RSRC1: variants seen among roughly 807,000 people sequenced by gnomAD.
RSRC1 encodes serine/Arginine-related protein 53.
RSRC1 carries 39 observed loss-of-function variants against 49.1 expected under a neutral mutation model. The ratio of observed to expected loss-of-function variants is 0.79; its 90% CI spans 0.61 to 1.04. RSRC1 has a LOEUF of 1.04. RSRC1 is among the 50% of genes least tolerant of loss of function. RSRC1 has a pLI of 0.00. For synonymous variants in RSRC1, 143 were observed against 130.8 expected, an observed-to-expected ratio of 1.09 and a Z score of -0.63; for missense variants, 388 against 402.4, an observed-to-expected ratio of 0.96 and a Z score of 0.31.
chr3:158,461,609 T>C (rs1737616159), intron 7 of RSRC1, among the ~76,000 whole-genome samples: 1 of 151,878 alleles, frequency 6.6e-6, no homozygotes, highest in African/African-American at 2.4e-5. Context: ...CTTTTTTTCT[T>C]CACGGGGGAT....
At chr3:158,339,993 G>A (rs1730139336) in intron 5 of RSRC1, among the ~76,000 whole-genome samples, 1 of 152,140 alleles carries the variant, frequency 6.6e-6, no homozygotes, top group African/African-American at 2.4e-5. Flanking sequence ...TCATTAGTTA[G>A]GAACAGGAAG....
intron 3 of RSRC1, among the ~76,000 whole-genome samples, chr3:158,144,722 A>C (rs997757932): frequency 6.6e-5 from 10 of 152,256 alleles, no homozygotes; most frequent in African/African-American, 1.9e-4. Context: ...TGACTTCCAC[A>C]ATGGTTGAAC....
intron 6 of RSRC1, among the ~76,000 whole-genome samples, chr3:158,371,588 A>G (rs2108267147): frequency 6.6e-6 from 1 of 152,052 alleles, no homozygotes; most frequent in Middle Eastern, 3.4e-3. Context: ...ATTGCTGAGT[A>G]GTATTCCATT....
chr3:158,111,309 A>G (rs938951194), intron 1 of RSRC1, among the ~76,000 whole-genome samples: 16 of 152,228 alleles, frequency 1.1e-4, no homozygotes, highest in African/African-American at 3.9e-4. Context: ...ATGTTTTTCA[A>G]TAAGAGGGCT....
At chr3:158,508,025 A>G (rs908190717) in intron 7 of RSRC1, among the ~76,000 whole-genome samples, 1 of 152,134 alleles carries the variant, frequency 6.6e-6, no homozygotes, top group African/African-American at 2.4e-5. Context: ...GTGAGCTATG[A>G]TCATGCCACT....
chr3:158,477,801 TATATATATA>T (rs375839624), intron 7 of RSRC1, among the ~76,000 whole-genome samples: 28,899 of 80,550 alleles, frequency 0.36, 5,163 homozygotes, highest in Non-Finnish European at 0.45. Context: ...GAGGGATTTA[TATATATATA>T]TATATATATA....
chr3:158,150,442 G>A (rs1404338249), intron 3 of RSRC1, among the ~76,000 whole-genome samples: 1 of 152,192 alleles, frequency 6.6e-6, no homozygotes, highest in Non-Finnish European at 1.5e-5. Context: ...ATTTGGAACA[G>A]CAAAGACTAT....
At chr3:158,510,141 T>C (rs1740075332) in intron 7 of RSRC1, among the ~76,000 whole-genome samples, 2 of 152,210 alleles carry the variant, frequency 1.3e-5, no homozygotes, top group African/African-American at 4.8e-5. Flanking sequence ...TTCATTGCCA[T>C]AGTGTGATGA....
chr3:158,430,241 T>C (rs564593669), intron 6 of RSRC1, among the ~76,000 whole-genome samples: 37 of 151,968 alleles, frequency 2.4e-4, no homozygotes, highest in African/African-American at 8.7e-4. Context: ...CATTTATCTT[T>C]CCAAAATGGA....
At position 158,286,439 on chromosome 3, in the gene RSRC1, C is replaced by T. The variant is rs76877157; in HGVS notation, c.495-11600C>T. On this transcript the variant is annotated intron_variant, in intron 4 of 9. Coordinates refer to ENST00000611884, the MANE Select transcript of RSRC1 (RefSeq NM_001271838.2). ...GCAGATTATGTAAAGCACTTGTTAC[C>T]GTGCCTGGCAAACTCTGTTCAGTAT... is the stretch of plus-strand genomic sequence containing the variant. 7.5e-3 allele frequency among the ~76,000 whole-genome samples: 1,142 copies of T among 152,164 alleles called. 7 individuals are homozygous for T. Among genetic ancestry groups the T allele is most frequent in the African/African-American group, 0.026 (1,086 of 41,504 alleles).
chr3:158,237,479 C>A (rs561694389), intron 4 of RSRC1, among the ~76,000 whole-genome samples: 52 of 152,332 alleles, frequency 3.4e-4, no homozygotes, highest in African/African-American at 1.2e-3. Flanking sequence ...AGGTGTTGCA[C>A]ATCTTCACCA....
chr3:158,174,205 A>G (rs984323373), intron 3 of RSRC1, among the ~76,000 whole-genome samples: 1 of 151,866 alleles, frequency 6.6e-6, no homozygotes, highest in African/African-American at 2.4e-5. Flanking sequence ...AATGCTTGGC[A>G]TTTGATAAGT....
chr3:158,133,694 T>G (rs1716181745), intron 3 of RSRC1, among the ~76,000 whole-genome samples: 1 of 152,202 alleles, frequency 6.6e-6, no homozygotes, highest in South Asian at 2.1e-4. Flanking sequence ...ATATTTCAGC[T>G]CTACAAAATT....
chr3:158,391,178 G>C (rs12634966), intron 6 of RSRC1, among the ~76,000 whole-genome samples: 18,058 of 152,000 alleles, frequency 0.12, 1,322 homozygotes, highest in Middle Eastern at 0.19. Context: ...CCCACCCTGG[G>C]GTTCTATCTT....
intron 4 of RSRC1, among the ~76,000 whole-genome samples, chr3:158,269,873 A>C (rs967339577): frequency 6.6e-6 from 1 of 152,190 alleles, no homozygotes; most frequent in South Asian, 2.1e-4. Flanking sequence ...TATCTTGAAG[A>C]TATCAGAACA....
intron 7 of RSRC1, among the ~76,000 whole-genome samples, chr3:158,477,591 T>G (rs1738421508): frequency 6.6e-6 from 1 of 151,922 alleles, no homozygotes. Context: ...TATTGCACAC[T>G]TAATAGACTA....
intron 6 of RSRC1, among the ~76,000 whole-genome samples, chr3:158,452,970 C>T (rs771282169): frequency 1.3e-5 from 2 of 152,060 alleles, no homozygotes; most frequent in African/African-American, 2.4e-5. Context: ...CATACACTTA[C>T]GTACTTTGGT....
intron 1 of RSRC1, among the ~76,000 whole-genome samples, chr3:158,114,874 T>C (rs1714691163): frequency 6.6e-6 from 1 of 152,238 alleles, no homozygotes; most frequent in Admixed American, 6.5e-5. Flanking sequence ...TTACTGAAGT[T>C]GCTTGTCAGC....
chr3:158,163,759 A>ATGT (rs5853816), intron 3 of RSRC1, among the ~76,000 whole-genome samples: 13,277 of 149,282 alleles, frequency 0.089, 694 homozygotes, highest in Middle Eastern at 0.15. Flanking sequence ...CTTTATAGCA[A>ATGT]TTTTTTTTTT....
Sources: allele counts gnomAD v4.1 joint callset (sites outside exome capture counted in the v4.1 genomes callset), GRCh38; gene constraint gnomAD v4.1.1; transcripts MANE v1.5; gene names NCBI Gene and HGNC (gene_info 2026-07-23, HGNC 2026-07-21).